The following THBS3 variants were observed in gnomAD, a reference collection of about 807,000 sequenced individuals.
THBS3 encodes the protein thrombospondin-3.
A neutral mutation model predicts 118.3 loss-of-function variants in THBS3; 78 were observed. The observed-to-expected ratio is 0.66, with a 90% CI of 0.55 to 0.80. THBS3 has a LOEUF of 0.80. THBS3 is among the 30% of genes least tolerant of loss of function. The pLI is 0.00. For synonymous variants in THBS3, 427 were observed against 475.3 expected (o/e 0.90, Z 1.32); for missense variants, 1,057 against 1,247.4 (o/e 0.85, Z 2.30).
rs566923037 is a variant in THBS3, at chr1:155,206,089, C to T, written c.286+111G>A. 5.0e-5 allele frequency: 65 copies of T among 1,311,356 alleles called. No homozygotes were observed. The highest frequency in any genetic ancestry group is 7.2e-5 in the African/African-American group (5 of 69,176). The allele number at this position is 1,311,356 out of a possible 1,614,324, so 81.2% of individuals were successfully genotyped here. A position where few individuals can be genotyped will look rare whatever the true frequency, so the allele number is the denominator to read the frequency against. On this transcript the variant is annotated intron_variant, in intron 2 of 22. Transcript: ENST00000368378. The surrounding 1 kb of genome is among the most constrained non-coding windows in gnomAD (Gnocchi z 4.2). ...GATGTCTGGGCACAGCCTGATGGGA[C>T]CTTGGTCCCTAGTGGAGGCCAAGGA...
In THBS3 at chr1:155,206,106, G is replaced by A; in HGVS notation, c.286+94C>T. On this transcript the variant is annotated intron_variant, in intron 2 of 22. Coordinates refer to ENST00000368378, the MANE Select transcript of THBS3 (RefSeq NM_007112.5). This position sits in a 1 kb window ranked among gnomAD's most constrained non-coding sequence, Gnocchi z 4.2. ...TGATGGGACCTTGGTCCCTAGTGGA[G>A]GCCAAGGAGAATGAGGAAGCACTTG... The A allele has an allele frequency of 2.7e-6, 4 of 1,456,174 alleles. No individual in the cohort carries two copies. Among genetic ancestry groups the A allele is most frequent in the Non-Finnish European group, 3.8e-6 (4 of 1,058,360 alleles). 90.2% of individuals were successfully genotyped at this position (1,456,174 alleles called of 1,614,324 possible).
chr1:155,204,585 C>CAAA (rs34989309), intron 4 of THBS3, among the ~76,000 whole-genome samples: 1 of 137,970 alleles, frequency 7.2e-6, no homozygotes, highest in Non-Finnish European at 1.6e-5. Context: ...ACTCCATCAC[C>CAAA]AAAAAAAAAA....
chr1:155,196,561 T>G, intron 21 of THBS3: 1 of 208,712 alleles, frequency 4.8e-6, no homozygotes, highest in Non-Finnish European at 9.6e-6. Context: ...GCAGACCCAT[T>G]TCCCCTCCCT....
chr1:155,208,719 C>CA, upstream of THBS3: 1 of 1,363,564 alleles, frequency 7.3e-7, no homozygotes, highest in Non-Finnish European at 9.6e-7. Flanking sequence ...CCGGCCTCCG[C>CA]TCCGGCCGCC....
At chr1:155,198,744 G>C in intron 16 of THBS3, 142 bp from the exon 17 acceptor site, 2 of 717,074 alleles carry the variant, frequency 2.8e-6, no homozygotes, top group South Asian at 3.7e-5. Flanking sequence ...AGGTCTGGCA[G>C]TAGGAATGGA....
rs1221362034 is a variant in THBS3 at position 155,200,879 on chromosome 1, GGGCA to G, written c.1548+14_1548+17del. On this transcript the variant is annotated intron_variant, in intron 13 of 22. Transcript: ENST00000368378. ...GAGGGGAGAGGAGCTTCAAGGGGCA[GGGCA>G]GTCTGGGAGTCACCTCAACATTCTT... 1 of 1,613,998 alleles carries G rather than the reference GGGCA, an allele frequency of 6.2e-7. No homozygotes were observed. The highest frequency in any genetic ancestry group is 1.3e-5 in the African/African-American group (1 of 74,912).
At chr1:155,203,032 T>C (rs2361529) in intron 7 of THBS3, 54 bp downstream of exon 7, 33 of 1,613,892 alleles carry the variant, frequency 2.0e-5, no homozygotes, top group African/African-American at 1.6e-4. Context: ...GCCAAAGCCA[T>C]TGGGTGGGGA....
chr1:155,207,484 G>T (rs139223856), intron 1 of THBS3, among the ~76,000 whole-genome samples: 91 of 151,898 alleles, frequency 6.0e-4, no homozygotes, highest in African/African-American at 2.1e-3. Context: ...CCTTCAGGCT[G>T]CTCTCCCAGA....
chr1:155,202,189 C>T lies in THBS3; in HGVS notation c.1098+72G>A. ...CATGTCCCATTCATCACAAGGGTCCCATGTCCAACCCAGAAGCCCCTGGCC... is the reference window on the plus strand; with the variant it reads ...CATGTCCCATTCATCACAAGGGTCCTATGTCCAACCCAGAAGCCCCTGGCC... On this transcript the variant is annotated intron_variant, in intron 9 of 22. Transcript: ENST00000368378. This position sits in a 1 kb window ranked among gnomAD's most constrained non-coding sequence, Gnocchi z 5.5. 6.3e-7 allele frequency: 1 copy of T among 1,594,592 alleles called. No individual in the cohort carries two copies. The highest frequency in any genetic ancestry group is 1.7e-5 in the Admixed American group (1 of 58,422).
rs1668608950 is a variant in THBS3, at chr1:155,196,039, G to C, written c.2760C>G (p.Phe920Leu). ...AAATTATGTTTTCTTGGGAGAAGCAGAATACACCAAGACGCCCCCCTCGCA... is the reference window on the plus strand; with the variant it reads ...AAATTATGTTTTCTTGGGAGAAGCACAATACACCAAGACGCCCCCCTCGCA... ...TSMRGGRLGV[F>L]CFSQENIIWS... Residue 920 changes from phenylalanine to leucine, a missense_variant, in exon 22 of 23, where the codon TTC (phenylalanine) becomes TTG (leucine). Phe to Leu is a conservative substitution (Grantham distance 22). Coordinates refer to ENST00000368378, the MANE Select transcript of THBS3 (RefSeq NM_007112.5). 6.2e-7 allele frequency: 1 copy of C among 1,614,166 alleles called. No homozygotes were observed. Among genetic ancestry groups the C allele is most frequent in the Admixed American group, 1.7e-5 (1 of 60,016 alleles).
chr1:155,203,784 C>T (rs1670152528), intron 4 of THBS3, among the ~76,000 whole-genome samples: 1 of 151,888 alleles, frequency 6.6e-6, no homozygotes, highest in Admixed American at 6.6e-5. Context: ...GGTTCCTAGG[C>T]ATGGTAGTGG....
At position 155,203,318 on chromosome 1, in the gene THBS3, A is replaced by G. The variant is rs1187494132; in HGVS notation, c.674-13T>C. On this transcript the variant is annotated splice_polypyrimidine_tract_variant and intron_variant, in intron 5 of 22. Coordinates refer to ENST00000368378, the MANE Select transcript of THBS3 (RefSeq NM_007112.5). ...TTGGTCTGCTCCCCTGTCGGGACCC[A>G]GGGTGTGAGGGGTTCAGTACTGGAG... 6.2e-7 allele frequency: 1 copy of G among 1,613,626 alleles called. No individual in the cohort carries two copies. The highest frequency in any genetic ancestry group is 8.5e-7 in the Non-Finnish European group (1 of 1,179,834).
Position 155,202,725 on chromosome 1 carries a change from G to C in THBS3, c.957+87C>G. 6.6e-7 allele frequency: 1 copy of C among 1,514,686 alleles called. No individual in the cohort carries two copies. 93.8% of individuals were successfully genotyped at this position (1,514,686 alleles called of 1,614,324 possible). Reference sequence around the variant, plus strand: ...CCTAAACTCCAGATTCCTCTCCTCCGGACCAGCATTTATCCCACCCTCTTG... The same window carrying C: ...CCTAAACTCCAGATTCCTCTCCTCCCGACCAGCATTTATCCCACCCTCTTG... On this transcript the variant is annotated intron_variant, in intron 8 of 22. Coordinates refer to ENST00000368378, the MANE Select transcript of THBS3 (RefSeq NM_007112.5). The surrounding 1 kb of genome is among the most constrained non-coding windows in gnomAD (Gnocchi z 5.5).
rs138975080 is a variant in THBS3 at position 155,205,812 on chromosome 1, A to C, written c.286+388T>G. On this transcript the variant is annotated intron_variant, in intron 2 of 22. Coordinates refer to ENST00000368378, the MANE Select transcript of THBS3 (RefSeq NM_007112.5). ...TTGGTTTAGAGACAAATACTTTCTT[A>C]GTCTTCATTGGTATCAGATGACTGT... 2.2e-4 allele frequency among the ~76,000 whole-genome samples: 33 copies of C among 152,350 alleles called. No individual in the cohort carries two copies. The East Asian group carries it at 6.4e-3, about 29-fold the overall frequency.
chr1:155,206,166 C>T lies in THBS3; in HGVS notation c.286+34G>A. ...GATGAGGGAGAGTGCTTAAGGAGGT[C>T]ACCATTGCAAGAAAGGAGATGCCCA... is the stretch of plus-strand genomic sequence containing the variant. On this transcript the variant is annotated intron_variant, in intron 2 of 22. Coordinates refer to ENST00000368378, the MANE Select transcript of THBS3 (RefSeq NM_007112.5). This position sits in a 1 kb window ranked among gnomAD's most constrained non-coding sequence, Gnocchi z 4.2. The T allele has an allele frequency of 6.2e-7, 1 of 1,610,102 alleles. No homozygotes were observed. Among genetic ancestry groups the T allele is most frequent in the Non-Finnish European group, 8.5e-7 (1 of 1,178,030 alleles).
At chr1:155,200,396 C>T (rs1669515747) in intron 14 of THBS3, 55 bp downstream of exon 14, 2 of 1,592,296 alleles carry the variant, frequency 1.3e-6, no homozygotes, top group African/African-American at 1.3e-5. Flanking sequence ...TTCATCCCCA[C>T]CTGATCCAAA....
Position 155,206,387 on chromosome 1 carries a change from C to T in THBS3, c.99G>A (p.Val33=). Residue 33 remains valine, a synonymous_variant, in exon 2 of 23, where the codon GTG becomes GTA. Coordinates refer to ENST00000368378, the MANE Select transcript of THBS3 (RefSeq NM_007112.5). The surrounding 1 kb of genome is among the most constrained non-coding windows in gnomAD (Gnocchi z 4.2). ...QDLQVIDLLT[V]GESRQMVAVA... ...CAGCTACCATCTGCCGAGACTCGCC[C>T]ACAGTCAGCAGGTCAATTACTGGTC... is the stretch of plus-strand genomic sequence containing the variant. The T allele has an allele frequency of 6.2e-7, 1 of 1,614,070 alleles. No individual in the cohort carries two copies.
chr1:155,197,379 G>A lies in THBS3; in HGVS notation c.2499+84C>T, dbSNP rs1250578393. ...AGATGTCTGGGTAAGAGGGTTCCCA[G>A]TCAAGCAGTGGGGGAGGCCCTGGGG... On this transcript the variant is annotated intron_variant, in intron 20 of 22. Coordinates refer to ENST00000368378, the MANE Select transcript of THBS3 (RefSeq NM_007112.5). The surrounding 1 kb of genome is among the most constrained non-coding windows in gnomAD (Gnocchi z 5.0). 1.3e-6 allele frequency: 2 copies of A among 1,550,816 alleles called. No individual in the cohort carries two copies. The highest frequency in any genetic ancestry group is 2.7e-5 in the African/African-American group (2 of 73,606).
intron 1 of THBS3, 88 bp downstream of exon 1, chr1:155,207,710 C>T: frequency 7.2e-7 from 1 of 1,387,352 alleles, no homozygotes; most frequent in Non-Finnish European, 1.0e-6. Context: ...CTTCCCCTCT[C>T]CCCTTGCCCA....
Sources: gnomAD v4.1 joint callset for allele counts (sites outside exome capture counted in the v4.1 genomes callset) on GRCh38, gnomAD v4.1.1 for gene constraint, Gnocchi (gnomAD v3.1) non-coding constraint, MANE v1.5 for transcripts, NCBI Gene and HGNC (gene_info 2026-07-23, HGNC 2026-07-21) for gene names.